Variants in HFM1 observed in about 807,000 individuals in gnomAD.
HFM1 encodes the protein helicase for meiosis 1, also known as probable ATP-dependent DNA helicase HFM1.
A neutral mutation model predicts 192.1 loss-of-function variants in HFM1; 169 were observed. The ratio of observed to expected loss-of-function variants is 0.88; its 90% CI spans 0.78 to 1.00. The LOEUF (loss-of-function observed/expected upper bound fraction) is 1.00, where lower values mean the gene tolerates loss of function less well. Ranked by LOEUF, HFM1 falls within the 50% of genes least tolerant of loss-of-function variation. The pLI, the probability that HFM1 is intolerant of heterozygous loss-of-function variation, is 0.00. For synonymous variants in HFM1, 525 were observed against 537.8 expected, an observed-to-expected ratio of 0.98 and a Z score of 0.33; for missense variants, 1,661 against 1,668.0, an observed-to-expected ratio of 1.00 and a Z score of 0.07.
At chr1:91,271,384 G>C (rs1056856495) in intron 34 of HFM1, among the ~76,000 whole-genome samples, 1 of 152,144 alleles carries the variant, frequency 6.6e-6, no homozygotes, top group East Asian at 1.9e-4. Context: ...AATTAAGCCA[G>C]ATACTTTTCA....
chr1:91,376,590 T>C (rs1340280239), intron 11 of HFM1, among the ~76,000 whole-genome samples: 1 of 151,794 alleles, frequency 6.6e-6, no homozygotes, highest in Admixed American at 6.6e-5. Context: ...AAATTTAGTA[T>C]TCCAATGTGA....
At chr1:91,358,035 T>C (rs137898257) in intron 13 of HFM1, among the ~76,000 whole-genome samples, 17 of 152,188 alleles carry the variant, frequency 1.1e-4, no homozygotes, top group African/African-American at 4.1e-4. Flanking sequence ...AAGTACAGAT[T>C]CAATACAATC....
chr1:91,300,026 T>C (rs1171791384), intron 30 of HFM1, among the ~76,000 whole-genome samples: 6 of 151,884 alleles, frequency 4.0e-5, no homozygotes, highest in East Asian at 1.9e-4. Flanking sequence ...ACAAAATTGA[T>C]AGACCGCTAG....
intron 11 of HFM1, among the ~76,000 whole-genome samples, 198 bp from the exon 12 acceptor site, chr1:91,375,925 G>A (rs1169120444): frequency 3.3e-5 from 5 of 151,594 alleles, no homozygotes; most frequent in Non-Finnish European, 7.4e-5. Flanking sequence ...AGTATTTCAA[G>A]ATTATACCCA....
At chr1:91,384,336 T>C (rs772124074) in intron 6 of HFM1, among the ~76,000 whole-genome samples, 2 of 152,114 alleles carry the variant, frequency 1.3e-5, no homozygotes, top group Non-Finnish European at 2.9e-5. Context: ...ACAAAATAAG[T>C]GCACTATCAT....
chr1:91,353,747 A>G (rs1432711451), intron 13 of HFM1, among the ~76,000 whole-genome samples: 1 of 151,386 alleles, frequency 6.6e-6, no homozygotes, highest in Non-Finnish European at 1.5e-5. Flanking sequence ...AGGAAGCAAG[A>G]TGGTCAACTA....
intron 7 of HFM1, 72 bp downstream of exon 7, chr1:91,380,840 C>A: frequency 2.6e-6 from 2 of 757,040 alleles, no homozygotes; most frequent in South Asian, 3.1e-5. Context: ...CTAGTAAATC[C>A]CAGCTGTCCC....
At chr1:91,270,307 C>A (rs1028515607) in intron 34 of HFM1, among the ~76,000 whole-genome samples, 2 of 151,922 alleles carry the variant, frequency 1.3e-5, no homozygotes, top group Non-Finnish European at 2.9e-5. Context: ...AGCAGCTTAA[C>A]AAAGTAAAGA....
intron 34 of HFM1, among the ~76,000 whole-genome samples, chr1:91,270,776 A>T (rs1557755117): frequency 6.6e-6 from 1 of 152,150 alleles, no homozygotes. Flanking sequence ...CTGAATTCAG[A>T]ACTTAGAAAG....
chr1:91,385,713 AG>A lies in HFM1; in HGVS notation c.615del (p.Tyr206IlefsTer48). 6.2e-7 allele frequency: 1 copy of A among 1,612,884 alleles called. No individual in the cohort carries two copies. Among genetic ancestry groups the A allele is most frequent in the Non-Finnish European group, 8.5e-7 (1 of 1,178,954 alleles). ...QTEMNKGKSR[N>X]YSNSKQKFQY... ...TGAAATTTTTGCTTACTATTGCTAT[AG>A]TTCCTTGATTTCCCTTTGTTCATTT... On this transcript the variant is annotated frameshift_variant, in exon 5 of 39. Transcript: ENST00000370425. LOFTEE classifies it high-confidence loss of function.
chr1:91,291,798 C>T (rs1471868235), intron 30 of HFM1, among the ~76,000 whole-genome samples: 2 of 151,950 alleles, frequency 1.3e-5, no homozygotes, highest in Admixed American at 1.3e-4. Context: ...ATGCAAAAAT[C>T]CTCAATAAAA....
At chr1:91,271,063 C>G (rs1666244636) in intron 34 of HFM1, among the ~76,000 whole-genome samples, 1 of 152,034 alleles carries the variant, frequency 6.6e-6, no homozygotes, top group South Asian at 2.1e-4. Context: ...CTACTGGATC[C>G]TAGTAAGGCC....
At chr1:91,300,031 C>T (rs531898615) in intron 30 of HFM1, among the ~76,000 whole-genome samples, 134 of 151,556 alleles carry the variant, frequency 8.8e-4, no homozygotes, top group Non-Finnish European at 1.4e-3. Context: ...ATTGATAGAC[C>T]GCTAGCAAGA....
rs1322437903 is a variant in HFM1 at position 91,394,197 on chromosome 1, AT to A, written c.389del (p.Asn130IlefsTer7). 1 of 1,603,796 alleles carries A rather than the reference AT, an allele frequency of 6.2e-7. No homozygotes were observed. The highest frequency in any genetic ancestry group is 8.5e-7 in the Non-Finnish European group (1 of 1,170,774). The stretch of plus-strand genomic sequence containing the variant: ...CAGGTGCTATCTCAGTGCCAATGTG[AT>A]TTTTATATTTCTGAGAAGCATATGT... Reference protein sequence around the residue: ...KLTYASQKYKNHIGTEIAPEK... With the variant: ...KLTYASQKYKXHIGTEIAPEK... On this transcript the variant is annotated frameshift_variant, in exon 4 of 39. Coordinates refer to ENST00000370425, the MANE Select transcript of HFM1 (RefSeq NM_001017975.6). LOFTEE classifies it high-confidence loss of function.
chr1:91,290,273 A>C (rs985380747), intron 30 of HFM1, among the ~76,000 whole-genome samples: 1 of 152,242 alleles, frequency 6.6e-6, no homozygotes, highest in Admixed American at 6.5e-5. Flanking sequence ...ATAAAGAGTC[A>C]AGACCCATCA....
chr1:91,285,582 T>G (rs1341422417), intron 30 of HFM1, among the ~76,000 whole-genome samples: 2 of 151,366 alleles, frequency 1.3e-5, no homozygotes, highest in African/African-American at 4.8e-5. Context: ...GAGGTATAAT[T>G]GTGTATCTTT....
chr1:91,317,167 C>T (rs965750808), intron 25 of HFM1, among the ~76,000 whole-genome samples: 21 of 152,146 alleles, frequency 1.4e-4, no homozygotes, highest in African/African-American at 4.8e-4. Flanking sequence ...GTAATCCCAG[C>T]ACTTTAGGAG....
intron 30 of HFM1, among the ~76,000 whole-genome samples, chr1:91,297,541 C>T (rs898693128): frequency 1.3e-5 from 2 of 152,204 alleles, no homozygotes; most frequent in Non-Finnish European, 2.9e-5. Context: ...AGGCGTCCCC[C>T]AGTAGGGGCA....
rs1653365476 is a variant in HFM1 at position 91,328,946 on chromosome 1, G to A, written c.2336-4180C>T. 7 of 1,612,142 alleles carry A rather than the reference G, an allele frequency of 4.3e-6. No individual in the cohort carries two copies. The East Asian group carries it at 1.3e-4, about 31-fold the overall frequency. On this transcript the variant is annotated intron_variant, in intron 20 of 38. Transcript: ENST00000370425. ...GGACTGCTTCACCTTCGGCAGCCCT[G>A]TGCTAATGCAACACCTGACTGCCAG...
Sources: allele counts gnomAD v4.1 joint callset (sites outside exome capture counted in the v4.1 genomes callset), GRCh38; gene constraint gnomAD v4.1.1; transcripts MANE v1.5; gene names NCBI Gene and HGNC (gene_info 2026-07-23, HGNC 2026-07-21).